CUL1: variants seen among roughly 807,000 people sequenced by gnomAD.
CUL1 encodes cullin-1.
A neutral mutation model predicts 118.0 loss-of-function variants in CUL1; 24 were observed. The observed-to-expected ratio is 0.20, with a 90% CI of 0.15 to 0.29. The LOEUF (loss-of-function observed/expected upper bound fraction) is 0.29, where lower values mean the gene tolerates loss of function less well. Ranked by LOEUF, CUL1 falls within the 10% of genes least tolerant of loss-of-function variation. The pLI is 1.00. For missense variants in CUL1, 361 were observed against 933.8 expected (o/e 0.39, Z 7.99); for synonymous variants, 332 against 340.4 (o/e 0.98, Z 0.27).
intron 17 of CUL1, among the ~76,000 whole-genome samples, 158 bp downstream of exon 17, chr7:148,792,976 C>T (rs1206261998): frequency 4.6e-5 from 7 of 152,108 alleles, no homozygotes; most frequent in Non-Finnish European, 8.8e-5. Context: ...GATTTTAATA[C>T]GCACTACAAA....
chr7:148,717,014 A>G (rs191485265), intron 1 of CUL1, among the ~76,000 whole-genome samples: 14 of 152,164 alleles, frequency 9.2e-5, no homozygotes, highest in African/African-American at 3.4e-4. Flanking sequence ...CTTCAGCAAT[A>G]GCTATGTTGT....
intron 17 of CUL1, among the ~76,000 whole-genome samples, chr7:148,793,496 G>T (rs974129172): frequency 6.6e-6 from 1 of 152,148 alleles, no homozygotes; most frequent in African/African-American, 2.4e-5. Flanking sequence ...CCATTAATTT[G>T]CTATCAATTT....
At chr7:148,781,351 G>A (rs1016819797) in intron 9 of CUL1, among the ~76,000 whole-genome samples, 1 of 152,216 alleles carries the variant, frequency 6.6e-6, no homozygotes, top group African/African-American at 2.4e-5. Context: ...AAAGTTCTGG[G>A]ATTACAGGCA....
In CUL1 at chr7:148,703,617, C is replaced by T. The variant is rs1219737315; in HGVS notation, c.-162+4588C>T. Among the ~76,000 whole-genome samples, 4 of 152,046 alleles carry T rather than the reference C, an allele frequency of 2.6e-5. No individual in the cohort carries two copies. In the East Asian group the frequency reaches 5.8e-4, roughly 22 times the overall value. ...GCGTGATCTCGGCTCACTGCAACCTCCGCCTCCTGGGTTCAAGCGCTTCTC... is the reference window on the plus strand; with the variant it reads ...GCGTGATCTCGGCTCACTGCAACCTTCGCCTCCTGGGTTCAAGCGCTTCTC... On this transcript the variant is annotated intron_variant, in intron 1 of 21. Coordinates refer to ENST00000325222, the MANE Select transcript of CUL1 (RefSeq NM_003592.3).
chr7:148,729,628 C>T, intron 1 of CUL1, among the ~76,000 whole-genome samples: 1 of 152,256 alleles, frequency 6.6e-6, no homozygotes, highest in Admixed American at 6.5e-5. Context: ...ATATCCTTTG[C>T]CCTTTTTTCT....
In CUL1 at chr7:148,717,489, A is replaced by G. The variant is rs74627869; in HGVS notation, c.-161-12473A>G. On this transcript the variant is annotated intron_variant, in intron 1 of 21. Coordinates refer to ENST00000325222, the MANE Select transcript of CUL1 (RefSeq NM_003592.3). ...GTCACCCCATCCGGTCTGACCAGTTACCACGATAACTGCTTTGTGTCGCCT... is the reference window on the plus strand; with the variant it reads ...GTCACCCCATCCGGTCTGACCAGTTGCCACGATAACTGCTTTGTGTCGCCT... Among the ~76,000 whole-genome samples, 25 of 151,800 alleles carry G rather than the reference A, an allele frequency of 1.6e-4. No homozygotes were observed. The East Asian group carries it at 4.1e-3, about 25-fold the overall frequency.
chr7:148,787,805 C>G lies in CUL1; in HGVS notation c.1479+685C>G, dbSNP rs145685998. Among the ~76,000 whole-genome samples, 885 of 152,320 alleles carry G rather than the reference C, an allele frequency of 5.8e-3. 5 individuals carry two copies. Among genetic ancestry groups the G allele is most frequent in the South Asian group, 0.014 (68 of 4,822 alleles). Reference sequence around the variant, plus strand: ...TTGGTTACTTTGCTGTCACGCAGCCCTTCCTCTGCCACCTCCTTTGCGTGC... The same window carrying G: ...TTGGTTACTTTGCTGTCACGCAGCCGTTCCTCTGCCACCTCCTTTGCGTGC... On this transcript the variant is annotated intron_variant, in intron 13 of 21. Transcript: ENST00000325222. The surrounding 1 kb of genome is among the most constrained non-coding windows in gnomAD (Gnocchi z 5.5).
At chr7:148,792,910 A>G (rs749682846) in intron 17 of CUL1, 92 bp downstream of exon 17, 5 of 858,298 alleles carry the variant, frequency 5.8e-6, no homozygotes, top group East Asian at 2.7e-5. Context: ...GGATATGGGC[A>G]TCTTTAATTT....
At chr7:148,783,356 G>C (rs1176949958) in intron 9 of CUL1, 1 of 985,166 alleles carries the variant, frequency 1.0e-6, no homozygotes, top group African/African-American at 1.7e-5. Context: ...CCTGAGCCCC[G>C]CTTTCCCTCG....
intron 1 of CUL1, among the ~76,000 whole-genome samples, chr7:148,707,444 T>C (rs1797919353): frequency 6.6e-6 from 1 of 152,252 alleles, no homozygotes; most frequent in African/African-American, 2.4e-5. Flanking sequence ...TCAAAGCCTG[T>C]GTCATTTACA....
At chr7:148,723,416 C>T (rs1194849532) in intron 1 of CUL1, among the ~76,000 whole-genome samples, 1 of 152,154 alleles carries the variant, frequency 6.6e-6, no homozygotes, top group Admixed American at 6.5e-5. Context: ...CAGGTTCACA[C>T]ATCCAAGGAC....
intron 2 of CUL1, among the ~76,000 whole-genome samples, chr7:148,737,255 A>G (rs1326465444): frequency 2.6e-5 from 4 of 151,866 alleles, no homozygotes; most frequent in Non-Finnish European, 5.9e-5. Flanking sequence ...CTATTTTTCA[A>G]AGTTTGATTC....
intron 9 of CUL1, among the ~76,000 whole-genome samples, chr7:148,775,981 A>G (rs548231632): frequency 6.6e-6 from 1 of 152,226 alleles, no homozygotes; most frequent in Non-Finnish European, 1.5e-5. Context: ...CTTTTTACCT[A>G]ATTAAAAAAT....
intron 14 of CUL1, 71 bp downstream of exon 14, chr7:148,788,745 A>C: frequency 9.9e-7 from 1 of 1,009,858 alleles, no homozygotes; most frequent in Non-Finnish European, 1.5e-6. Flanking sequence ...AAATGACAAA[A>C]TATTAGGTGA....
chr7:148,735,816 C>A (rs991477371), intron 2 of CUL1, among the ~76,000 whole-genome samples: 2 of 152,028 alleles, frequency 1.3e-5, no homozygotes, highest in Non-Finnish European at 2.9e-5. Context: ...TGTAAAAGGA[C>A]ATACTGGTTC....
intron 12 of CUL1, 113 bp from the exon 13 acceptor site, chr7:148,786,876 G>T: frequency 7.0e-7 from 1 of 1,432,960 alleles, no homozygotes; most frequent in Non-Finnish European, 9.4e-7. Context: ...GTACAGACCT[G>T]CCCAAAGCCA....
At chr7:148,702,617 T>A (rs968955486) in intron 1 of CUL1, among the ~76,000 whole-genome samples, 19 of 152,214 alleles carry the variant, frequency 1.2e-4, no homozygotes, top group Admixed American at 2.0e-4. Context: ...TGGTCTGCCT[T>A]TCCTAGTGTT....
chr7:148,789,713 C>T, intron 14 of CUL1, 37 bp from the exon 15 acceptor site: 3 of 1,547,390 alleles, frequency 1.9e-6, no homozygotes, highest in Non-Finnish European at 2.7e-6. Context: ...TTAATGTATT[C>T]CAGAATGTTC....
intron 2 of CUL1, among the ~76,000 whole-genome samples, chr7:148,744,376 A>G (rs189630292): frequency 2.7e-5 from 4 of 149,320 alleles, no homozygotes; most frequent in Admixed American, 2.7e-4. Context: ...CCTTTTTAAT[A>G]TATTTGTTGG....
Sources: gnomAD v4.1 joint callset for allele counts (sites outside exome capture counted in the v4.1 genomes callset) on GRCh38, gnomAD v4.1.1 for gene constraint, Gnocchi (gnomAD v3.1) non-coding constraint, MANE v1.5 for transcripts, NCBI Gene and HGNC (gene_info 2026-07-23, HGNC 2026-07-21) for gene names.